Variants in SCRG1 observed in about 807,000 individuals in gnomAD.
The protein encoded by SCRG1 is scrapie-responsive protein 1.
Under a neutral mutation model 7.7 loss-of-function variants are expected in SCRG1, and 3 were observed. The ratio of observed to expected loss-of-function variants is 0.39; its 90% confidence interval spans 0.18 to 1.01. The LOEUF (loss-of-function observed/expected upper bound fraction) is 1.01. SCRG1 is among the 50% of genes least tolerant of loss of function. SCRG1 has a pLI of 0.36. For missense variants in SCRG1, 110 were observed against 117.2 expected, an observed-to-expected ratio of 0.94 and a Z score of 0.28; for synonymous variants, 46 against 41.2, an observed-to-expected ratio of 1.12 and a Z score of -0.44.
At chr4:173,474,903 T>C in the SCRG1 span, among the ~76,000 whole-genome samples, 17 of 150,018 alleles carry the variant, frequency 1.1e-4, no homozygotes, top group African/African-American at 4.2e-4. Flanking sequence ...AATCCTTGTG[T>C]GGTGAGTTAA....
upstream of SCRG1, among the ~76,000 whole-genome samples, chr4:173,410,076 C>G (rs1379865638): frequency 1.3e-5 from 2 of 152,158 alleles, no homozygotes; most frequent in African/African-American, 4.8e-5. Context: ...GATCTCCGTC[C>G]CATTTGAGAT....
At chr4:173,507,119 G>A in the SCRG1 span, among the ~76,000 whole-genome samples, 1 of 152,232 alleles carries the variant, frequency 6.6e-6, no homozygotes. The surrounding 1 kb of genome is among the most constrained non-coding windows in gnomAD (Gnocchi z 4.4). Context: ...TGCCATGAAG[G>A]GAAGGCCGCG....
chr4:173,439,859 T>C, the SCRG1 span, among the ~76,000 whole-genome samples: 6 of 152,172 alleles, frequency 3.9e-5, no homozygotes, highest in Admixed American at 3.9e-4. Flanking sequence ...GATTCTTCCT[T>C]CTTTGTTTTG....
chr4:173,398,509 T>G (rs1739666943), intron 1 of SCRG1: 3 of 152,234 alleles, frequency 2.0e-5, no homozygotes, highest in African/African-American at 7.2e-5. Context: ...CTCTTTATAT[T>G]AGCAGTACAG....
the SCRG1 span, among the ~76,000 whole-genome samples, chr4:173,507,733 A>G: frequency 6.6e-6 from 1 of 152,222 alleles, no homozygotes; most frequent in African/African-American, 2.4e-5. The surrounding 1 kb of genome is among the most constrained non-coding windows in gnomAD (Gnocchi z 4.4). Context: ...GCAGGATGAG[A>G]GAGCAATCTC....
chr4:173,459,134 T>G, the SCRG1 span, among the ~76,000 whole-genome samples: 1 of 152,214 alleles, frequency 6.6e-6, no homozygotes, highest in Non-Finnish European at 1.5e-5. Context: ...TTGTTAGATC[T>G]AAAGGGAGAT....
the SCRG1 span, among the ~76,000 whole-genome samples, chr4:173,474,480 GA>G: frequency 4.6e-5 from 7 of 152,250 alleles, no homozygotes; most frequent in East Asian, 1.4e-3. Flanking sequence ...AATGAAGTGG[GA>G]AAAAGAGTCA....
At chr4:173,478,117 T>G in the SCRG1 span, among the ~76,000 whole-genome samples, 5 of 152,142 alleles carry the variant, frequency 3.3e-5, no homozygotes, top group Admixed American at 2.6e-4. Context: ...GATTTTAGTA[T>G]CTGAAAATTA....
At chr4:173,514,952 G>C in the SCRG1 span, among the ~76,000 whole-genome samples, 1 of 152,178 alleles carries the variant, frequency 6.6e-6, no homozygotes, top group African/African-American at 2.4e-5. Context: ...AAACAGACCC[G>C]CCCCAAAACA....
At chr4:173,483,300 TATATTATATATTAC>T in the SCRG1 span, among the ~76,000 whole-genome samples, 1 of 51,336 alleles carries the variant, frequency 1.9e-5, no homozygotes, top group African/African-American at 7.0e-5. Flanking sequence ...TCATATATGA[TATATTATATATTAC>T]ATATCATATA....
intron 1 of SCRG1, among the ~76,000 whole-genome samples, chr4:173,394,974 A>G (rs962713475): frequency 1.3e-5 from 2 of 152,194 alleles, no homozygotes; most frequent in African/African-American, 2.4e-5. Context: ...ATAAAGATGT[A>G]TAGAGTATTT....
At chr4:173,449,435 C>CTTTTTTTTTTTTT in the SCRG1 span, among the ~76,000 whole-genome samples, 1 of 115,932 alleles carries the variant, frequency 8.6e-6, no homozygotes, top group Non-Finnish European at 1.8e-5. Flanking sequence ...CATGATAAAT[C>CTTTTTTTTTTTTT]TTTTTTTTTT....
the SCRG1 span, among the ~76,000 whole-genome samples, chr4:173,446,050 A>G: frequency 6.6e-6 from 1 of 152,074 alleles, no homozygotes; most frequent in Non-Finnish European, 1.5e-5. Flanking sequence ...TAATGAAGAC[A>G]CTTCCAGGTA....
chr4:173,442,825 A>G, the SCRG1 span, among the ~76,000 whole-genome samples: 2 of 152,198 alleles, frequency 1.3e-5, no homozygotes, highest in Admixed American at 6.5e-5. Context: ...CCCTGAGGTA[A>G]TTAACACACT....
At chr4:173,476,363 A>AAAAATAT in the SCRG1 span, among the ~76,000 whole-genome samples, 2 of 98,484 alleles carry the variant, frequency 2.0e-5, no homozygotes, top group Non-Finnish European at 4.6e-5. Flanking sequence ...GGAAAAAAAA[A>AAAAATAT]ATATATATAT....
chr4:173,410,847 T>C (rs888121280), upstream of SCRG1, among the ~76,000 whole-genome samples: 2 of 152,208 alleles, frequency 1.3e-5, no homozygotes, highest in Admixed American at 6.5e-5. Flanking sequence ...GCTTCTTCGG[T>C]GACAGAATTT....
chr4:173,415,294 A>T, the SCRG1 span, among the ~76,000 whole-genome samples: 1 of 152,232 alleles, frequency 6.6e-6, no homozygotes, highest in Non-Finnish European at 1.5e-5. Context: ...TCTGTTGTGA[A>T]GTGAGGTTTC....
At chr4:173,494,393 T>C in the SCRG1 span, among the ~76,000 whole-genome samples, 1 of 152,234 alleles carries the variant, frequency 6.6e-6, no homozygotes, top group Non-Finnish European at 1.5e-5. Context: ...CCTTTAGGGT[T>C]GCCGTCATCC....
At chr4:173,433,157 CT>C in the SCRG1 span, among the ~76,000 whole-genome samples, 7 of 151,976 alleles carry the variant, frequency 4.6e-5, no homozygotes, top group Non-Finnish European at 8.8e-5. Context: ...ACTTTAGTAA[CT>C]TTTTTTTACA....
Sources: gnomAD v4.1 joint callset for allele counts (sites outside exome capture counted in the v4.1 genomes callset) on GRCh38, gnomAD v4.1.1 for gene constraint, Gnocchi (gnomAD v3.1) non-coding constraint, MANE v1.5 for transcripts, NCBI Gene and HGNC (gene_info 2026-07-23, HGNC 2026-07-21) for gene names.